The following TPX2 variants were observed in gnomAD, a reference collection of about 807,000 sequenced individuals.
TPX2 encodes targeting protein for Xklp2.
In TPX2, 21 loss-of-function variants were observed where a neutral mutation model predicts 93.6. The observed-to-expected ratio is 0.22, with a 90% CI of 0.16 to 0.32. TPX2 has a LOEUF of 0.32. Ranked by LOEUF, TPX2 falls within the 10% of genes least tolerant of loss-of-function variation. The pLI is 1.00. For synonymous variants in TPX2, 281 were observed against 298.3 expected (o/e 0.94, Z 0.60); for missense variants, 776 against 871.1 (o/e 0.89, Z 1.37).
At position 31,794,035 on chromosome 20, in the gene TPX2, C is replaced by G. The variant is rs374803117; in HGVS notation, c.1686+11C>G. On this transcript the variant is annotated intron_variant, in intron 14 of 17. Coordinates refer to ENST00000300403, the MANE Select transcript of TPX2 (RefSeq NM_012112.5). ...CTGCAGAAAGGGGAGGTAGGTGTTTCCATTTCTGCAAGTAGTGTAATACTA... is the reference window on the plus strand; with the variant it reads ...CTGCAGAAAGGGGAGGTAGGTGTTTGCATTTCTGCAAGTAGTGTAATACTA... 41 of 1,602,518 alleles carry G rather than the reference C, an allele frequency of 2.6e-5. No individual in the cohort carries two copies. Among genetic ancestry groups the G allele is most frequent in the Non-Finnish European group, 3.5e-5 (41 of 1,175,396 alleles).
intron 6 of TPX2, 63 bp from the exon 7 acceptor site, chr20:31,771,497 G>A (rs921931391): frequency 6.4e-7 from 1 of 1,554,732 alleles, no homozygotes; most frequent in African/African-American, 1.4e-5. Context: ...TAGATTTGGG[G>A]AGGAGGGTAC....
intron 7 of TPX2, among the ~76,000 whole-genome samples, chr20:31,774,120 C>T (rs1194156620): frequency 6.6e-6 from 1 of 152,198 alleles, no homozygotes; most frequent in Admixed American, 6.5e-5. Flanking sequence ...CCACCTGCCT[C>T]AGCCTCCCAA....
chr20:31,778,414 A>G (rs182010737), intron 9 of TPX2, among the ~76,000 whole-genome samples: 7 of 152,298 alleles, frequency 4.6e-5, no homozygotes, highest in Admixed American at 4.6e-4. Context: ...CCACTGATTC[A>G]GGAAGCTGCC....
At chr20:31,788,333 G>A (rs112754271) in intron 12 of TPX2, among the ~76,000 whole-genome samples, 1 of 148,978 alleles carries the variant, frequency 6.7e-6, no homozygotes, top group East Asian at 2.0e-4. Context: ...CAGGAGAATT[G>A]CATGAACCCA....
At chr20:31,790,213 TG>T (rs1309718133) in intron 12 of TPX2, among the ~76,000 whole-genome samples, 20 of 152,214 alleles carry the variant, frequency 1.3e-4, no homozygotes, top group Non-Finnish European at 2.5e-4. Flanking sequence ...TCTGCTATAT[TG>T]GATTTCACTA....
intron 8 of TPX2, among the ~76,000 whole-genome samples, chr20:31,776,855 T>C (rs964572758): frequency 2.0e-5 from 3 of 152,186 alleles, no homozygotes; most frequent in African/African-American, 7.2e-5. Flanking sequence ...AGTCTGTTCT[T>C]GGTCTTAGGG....
At chr20:31,766,745 C>A (rs1568927213) in intron 5 of TPX2, 63 bp downstream of exon 5, 5 of 1,464,972 alleles carry the variant, frequency 3.4e-6, no homozygotes, top group East Asian at 2.4e-5. Context: ...AGTTACTGGA[C>A]AGAACATCTA....
At chr20:31,782,097 G>T in intron 10 of TPX2, 152 bp from the exon 11 acceptor site, 1 of 904,538 alleles carries the variant, frequency 1.1e-6, no homozygotes. Context: ...ACTGAATGTT[G>T]GTTGGTTTGA....
At chr20:31,742,690 C>T (rs2061760045) in intron 2 of TPX2, 43 bp downstream of exon 2, 2 of 152,128 alleles carry the variant, frequency 1.3e-5, no homozygotes, top group Non-Finnish European at 1.5e-5. Context: ...AATATATCAG[C>T]TTCATAAGTG....
chr20:31,774,024 A>G (rs544127829), intron 7 of TPX2, among the ~76,000 whole-genome samples: 2 of 152,186 alleles, frequency 1.3e-5, no homozygotes, highest in African/African-American at 4.8e-5. Flanking sequence ...GGCACTTGCC[A>G]CTATACCCAG....
intron 2 of TPX2, among the ~76,000 whole-genome samples, chr20:31,746,309 C>G (rs1189145415): frequency 6.6e-6 from 1 of 152,212 alleles, no homozygotes; most frequent in Non-Finnish European, 1.5e-5. Flanking sequence ...CATTTACTGA[C>G]TGCTGCTAAT....
chr20:31,760,621 A>G (rs958733859), intron 4 of TPX2, among the ~76,000 whole-genome samples: 2 of 152,146 alleles, frequency 1.3e-5, no homozygotes, highest in African/African-American at 2.4e-5. Flanking sequence ...GGGCTTCCCA[A>G]AGTGCTGGGA....
intron 12 of TPX2, among the ~76,000 whole-genome samples, chr20:31,786,958 C>T (rs1446994628): frequency 6.6e-6 from 1 of 152,086 alleles, no homozygotes; most frequent in Admixed American, 6.5e-5. Context: ...AGCTGGTTCT[C>T]AGAATCCTCT....
chr20:31,782,889 TACACACACACACACACACACAC>T (rs71926112), intron 11 of TPX2, among the ~76,000 whole-genome samples: 3 of 142,664 alleles, frequency 2.1e-5, no homozygotes, highest in African/African-American at 7.8e-5. Flanking sequence ...CATACACACA[TACACACACACACACACACACAC>T]ACACACACAC....
intron 12 of TPX2, among the ~76,000 whole-genome samples, chr20:31,789,911 G>T (rs980544401): frequency 6.6e-6 from 1 of 152,156 alleles, no homozygotes; most frequent in Non-Finnish European, 1.5e-5. Flanking sequence ...AGAACTAAAT[G>T]AATCCTCAAT....
At chr20:31,763,704 A>G (rs2061905563) in intron 4 of TPX2, among the ~76,000 whole-genome samples, 1 of 146,464 alleles carries the variant, frequency 6.8e-6, no homozygotes, top group South Asian at 2.1e-4. Context: ...ATTTAAATTT[A>G]ATTTAATTTA....
At chr20:31,771,290 T>C (rs2061963192) in intron 6 of TPX2, among the ~76,000 whole-genome samples, 1 of 152,182 alleles carries the variant, frequency 6.6e-6, no homozygotes, top group Non-Finnish European at 1.5e-5. Context: ...TTTGATCATT[T>C]GATGGTGAGC....
chr20:31,782,482 T>C, intron 11 of TPX2, 92 bp downstream of exon 11: 1 of 1,495,940 alleles, frequency 6.7e-7, no homozygotes, highest in Non-Finnish European at 8.9e-7. Flanking sequence ...TATTTTTCTT[T>C]CCGTAAAAAT....
chr20:31,793,631 G>T (rs910257065), intron 13 of TPX2, among the ~76,000 whole-genome samples: 10 of 152,184 alleles, frequency 6.6e-5, no homozygotes, highest in African/African-American at 2.4e-4. Context: ...CAACATTCCT[G>T]TGGAAAACTA....
Sources: allele counts gnomAD v4.1 joint callset (sites outside exome capture counted in the v4.1 genomes callset), GRCh38; gene constraint gnomAD v4.1.1; transcripts MANE v1.5; gene names NCBI Gene and HGNC (gene_info 2026-07-23, HGNC 2026-07-21).